TRHDE: variants seen among roughly 807,000 people sequenced by gnomAD.
TRHDE encodes thyrotropin releasing hormone degrading enzyme.
Under a neutral mutation model 125.7 loss-of-function variants are expected in TRHDE, and 72 were observed. That is an observed-to-expected ratio of 0.57 (90% CI 0.47 to 0.70). TRHDE has a LOEUF of 0.70. TRHDE is among the 30% of genes least tolerant of loss of function. The probability of loss-of-function intolerance (pLI) is 0.00; values close to 1 mark genes in which losing one functional copy is unlikely to be tolerated. For missense variants in TRHDE, 1,110 were observed against 1,327.1 expected, an observed-to-expected ratio of 0.84 and a Z score of 2.54; for synonymous variants, 509 against 509.1, an observed-to-expected ratio of 1.00 and a Z score of 0.00.
intron 2 of TRHDE, among the ~76,000 whole-genome samples, chr12:72,238,238 G>A (rs11179124): frequency 0.27 from 33,090 of 123,966 alleles, 5,706 homozygotes; most frequent in Non-Finnish European, 0.37. Flanking sequence ...GGGTGTGGAT[G>A]GTAGCAGAAG....
chr12:72,402,446 G>T (rs1873082434), intron 3 of TRHDE, among the ~76,000 whole-genome samples: 2 of 152,162 alleles, frequency 1.3e-5, no homozygotes, highest in Admixed American at 1.3e-4. Flanking sequence ...CATCTTTGGT[G>T]TTCCTTGGTC....
chr12:72,580,679 G>A (rs959047290), intron 12 of TRHDE, among the ~76,000 whole-genome samples: 1 of 152,224 alleles, frequency 6.6e-6, no homozygotes, highest in Non-Finnish European at 1.5e-5. Flanking sequence ...GACCTCAGGT[G>A]ATCCACCCAC....
chr12:72,143,254 G>T (rs1489105451), intron 2 of TRHDE, among the ~76,000 whole-genome samples: 1 of 152,046 alleles, frequency 6.6e-6, no homozygotes, highest in East Asian at 1.9e-4. Flanking sequence ...CCACATCCCT[G>T]TCACACATCT....
At chr12:72,646,427 A>G (rs919977849) in intron 15 of TRHDE, among the ~76,000 whole-genome samples, 1 of 152,040 alleles carries the variant, frequency 6.6e-6, no homozygotes, top group Non-Finnish European at 1.5e-5. Flanking sequence ...AAAAGACAGG[A>G]AAAAAATGAG....
At chr12:72,499,403 T>A in intron 5 of TRHDE, 95 bp from the exon 6 acceptor site, 1 of 1,452,824 alleles carries the variant, frequency 6.9e-7, no homozygotes, top group Non-Finnish European at 9.3e-7. Context: ...CTGATGAACA[T>A]CAGCAATTAA....
intron 5 of TRHDE, among the ~76,000 whole-genome samples, chr12:72,492,909 C>A (rs1877746542): frequency 6.6e-6 from 1 of 151,918 alleles, no homozygotes; most frequent in African/African-American, 2.4e-5. Context: ...ATTCTCTCTA[C>A]TTTCTACTCC....
At chr12:72,503,802 G>T (rs1878250253) in intron 6 of TRHDE, among the ~76,000 whole-genome samples, 1 of 152,102 alleles carries the variant, frequency 6.6e-6, no homozygotes, top group Admixed American at 6.6e-5. Context: ...GGAGTAAATT[G>T]ACTCCCATCC....
chr12:72,603,935 C>G (rs567563382), intron 12 of TRHDE, among the ~76,000 whole-genome samples: 2 of 151,970 alleles, frequency 1.3e-5, no homozygotes, highest in Admixed American at 6.6e-5. Context: ...GAGATTTCTA[C>G]AAGCAAAAAT....
chr12:72,104,528 C>T (rs771388133), intron 1 of TRHDE, among the ~76,000 whole-genome samples: 5 of 152,150 alleles, frequency 3.3e-5, no homozygotes, highest in Non-Finnish European at 4.4e-5. Context: ...GTTTTATTTG[C>T]TGACACTCCT....
chr12:72,160,350 G>C (rs1487224904), intron 2 of TRHDE, among the ~76,000 whole-genome samples: 1 of 152,130 alleles, frequency 6.6e-6, no homozygotes, highest in African/African-American at 2.4e-5. Context: ...CAGGTATCTT[G>C]AATCAGAATC....
intron 3 of TRHDE, among the ~76,000 whole-genome samples, chr12:72,458,760 C>T (rs1250869276): frequency 6.6e-6 from 1 of 152,116 alleles, no homozygotes; most frequent in Non-Finnish European, 1.5e-5. Context: ...ATGCTACCTC[C>T]TTAACCTGAA....
chr12:72,521,187 G>A (rs1284075573), intron 6 of TRHDE, among the ~76,000 whole-genome samples: 1 of 151,800 alleles, frequency 6.6e-6, no homozygotes, highest in African/African-American at 2.4e-5. Context: ...TTCCCTTTTT[G>A]GAAATAACTT....
intron 2 of TRHDE, among the ~76,000 whole-genome samples, chr12:72,345,174 AATAC>A (rs1187631240): frequency 2.0e-5 from 3 of 152,160 alleles, no homozygotes; most frequent in Non-Finnish European, 4.4e-5. Context: ...TTTTTGTATT[AATAC>A]ATACATGTAA....
intron 2 of TRHDE, among the ~76,000 whole-genome samples, chr12:72,298,769 A>G (rs1880398470): frequency 6.6e-6 from 1 of 152,196 alleles, no homozygotes; most frequent in African/African-American, 2.4e-5. Context: ...CATGGAGATA[A>G]TACAAAATGT....
At chr12:72,622,096 T>A (rs1873077849) in intron 15 of TRHDE, among the ~76,000 whole-genome samples, 1 of 152,116 alleles carries the variant, frequency 6.6e-6, no homozygotes, top group Admixed American at 6.6e-5. Context: ...TTATAAAGGT[T>A]GTGGTATTTA....
intron 6 of TRHDE, among the ~76,000 whole-genome samples, chr12:72,510,308 T>C (rs1878531983): frequency 6.6e-6 from 1 of 152,222 alleles, no homozygotes; most frequent in Non-Finnish European, 1.5e-5. Flanking sequence ...GTATATTACA[T>C]TTATTGATTA....
At chr12:72,150,769 G>C (rs536032722) in intron 2 of TRHDE, among the ~76,000 whole-genome samples, 91 of 152,036 alleles carry the variant, frequency 6.0e-4, no homozygotes, top group African/African-American at 2.1e-3. Context: ...TGGTGTATAT[G>C]TGCCACATTT....
chr12:72,364,779 A>G (rs1871274562), intron 2 of TRHDE, among the ~76,000 whole-genome samples: 1 of 152,080 alleles, frequency 6.6e-6, no homozygotes, highest in African/African-American at 2.4e-5. Context: ...CAAAGGACTG[A>G]TGGGCCAAAC....
chr12:72,574,039 A>G (rs1870874721), intron 10 of TRHDE, among the ~76,000 whole-genome samples: 1 of 152,048 alleles, frequency 6.6e-6, no homozygotes, highest in African/African-American at 2.4e-5. Context: ...TATAATATGC[A>G]TTGGGTTTAT....
Sources: gnomAD v4.1 joint callset for allele counts (sites outside exome capture counted in the v4.1 genomes callset) on GRCh38, gnomAD v4.1.1 for gene constraint, MANE v1.5 for transcripts, NCBI Gene and HGNC (gene_info 2026-07-23, HGNC 2026-07-21) for gene names.